Variants in CNIH3 observed in about 807,000 individuals in gnomAD.
CNIH3 encodes the protein cornichon family AMPA receptor auxiliary protein 3, also known as protein cornichon homolog 3.
In CNIH3, 14 loss-of-function variants were observed where a neutral mutation model predicts 24.1. The ratio of observed to expected loss-of-function variants is 0.58; its 90% CI spans 0.38 to 0.91. CNIH3 has a LOEUF of 0.91. Among genes scored for constraint, CNIH3 ranks in the 40% least tolerant of loss-of-function variants. The pLI, the probability that CNIH3 is intolerant of heterozygous loss-of-function variation, is 0.00. For missense variants in CNIH3, 178 were observed against 196.8 expected (o/e 0.90, Z 0.57); for synonymous variants, 68 against 73.8 (o/e 0.92, Z 0.40).
chr1:224,653,346 C>T (rs535032481), intron 1 of CNIH3, among the ~76,000 whole-genome samples: 1 of 150,180 alleles, frequency 6.7e-6, no homozygotes, highest in East Asian at 2.0e-4. Flanking sequence ...CACTTGAACC[C>T]AGGAGGCAGA....
At chr1:224,593,858 G>T (rs993135010) in intron 3 of CNIH3, among the ~76,000 whole-genome samples, 1 of 152,160 alleles carries the variant, frequency 6.6e-6, no homozygotes, top group African/African-American at 2.4e-5. Flanking sequence ...TGGCTTCTGT[G>T]CATCTCTGTT....
chr1:224,600,494 C>T (rs1682161807), intron 3 of CNIH3, among the ~76,000 whole-genome samples: 1 of 152,038 alleles, frequency 6.6e-6, no homozygotes, highest in African/African-American at 2.4e-5. Context: ...GCCCGGCCAT[C>T]TGTGGTATTT....
chr1:224,454,186 G>T (rs908462346), intron 1 of CNIH3: 1 of 551,808 alleles, frequency 1.8e-6, no homozygotes, highest in South Asian at 8.0e-5. Context: ...GGTTCCTTGA[G>T]TAAAAGGTGC....
At chr1:224,597,857 T>C (rs1183089814) in intron 3 of CNIH3, among the ~76,000 whole-genome samples, 1 of 152,186 alleles carries the variant, frequency 6.6e-6, no homozygotes, top group Non-Finnish European at 1.5e-5. Flanking sequence ...TAAAATGACC[T>C]GGGGTTGGTA....
At chr1:224,678,114 G>A (rs373347754) in intron 1 of CNIH3, among the ~76,000 whole-genome samples, 2 of 152,152 alleles carry the variant, frequency 1.3e-5, no homozygotes, top group African/African-American at 4.8e-5. Flanking sequence ...TTATATAATA[G>A]TTGGGAGATA....
At position 224,490,710 on chromosome 1, in the gene CNIH3, A is replaced by G. The variant is rs1360306150; in HGVS notation, n.204-25031A>G. On this transcript the variant is annotated intron_variant and non_coding_transcript_variant, in intron 1 of 5. Transcript: ENST00000471578. ...TCCTCCATATCTGTAATGTACTTTT[A>G]TGTGTCACATTATTTTATGGCCTGT... 2.0e-4 allele frequency among the ~76,000 whole-genome samples: 30 copies of G among 152,148 alleles called. 1 individual carries two copies.
intron 4 of CNIH3, among the ~76,000 whole-genome samples, chr1:224,576,933 C>T (rs1236699338): frequency 6.6e-6 from 1 of 152,146 alleles, no homozygotes; most frequent in Non-Finnish European, 1.5e-5. Context: ...GCCAACTGAT[C>T]TTCAGCAAAG....
At chr1:224,515,289 C>T (rs1475426010), upstream of CNIH3, among the ~76,000 whole-genome samples, 1 of 152,154 alleles carries the variant, frequency 6.6e-6, no homozygotes, top group Non-Finnish European at 1.5e-5. Flanking sequence ...TTTGTACATG[C>T]ATGACTGTAC....
chr1:224,689,060 C>G (rs1686802971), intron 3 of CNIH3, among the ~76,000 whole-genome samples: 2 of 152,152 alleles, frequency 1.3e-5, no homozygotes, highest in Admixed American at 6.5e-5. Flanking sequence ...CCCTCTGCCC[C>G]CTTGTAGTCT....
intron 1 of CNIH3, among the ~76,000 whole-genome samples, chr1:224,440,158 TGGTCCGCCTGCCTC>T (rs1449030342): frequency 6.6e-6 from 1 of 152,224 alleles, no homozygotes; most frequent in East Asian, 1.9e-4. Context: ...CTTGACCTCA[TGGTCCGCCTGCCTC>T]GGCGTCCCAA....
At chr1:224,575,621 C>T (rs1392602693) in intron 4 of CNIH3, among the ~76,000 whole-genome samples, 1 of 151,968 alleles carries the variant, frequency 6.6e-6, no homozygotes, top group Non-Finnish European at 1.5e-5. Context: ...ACCTGAATAC[C>T]CTTTTCTGAC....
chr1:224,734,189 G>C (rs1005202944), intron 4 of CNIH3, among the ~76,000 whole-genome samples: 2 of 152,196 alleles, frequency 1.3e-5, no homozygotes, highest in Admixed American at 1.3e-4. Flanking sequence ...TAGTTTTAGG[G>C]TAGAATGGAG....
chr1:224,493,895 A>G (rs1677332224), intron 1 of CNIH3, among the ~76,000 whole-genome samples: 1 of 152,088 alleles, frequency 6.6e-6, no homozygotes, highest in African/African-American at 2.4e-5. Context: ...CATTAACACC[A>G]CTTTGTGCTT....
chr1:224,686,458 A>G (rs1036786700), intron 3 of CNIH3, among the ~76,000 whole-genome samples: 2 of 152,206 alleles, frequency 1.3e-5, no homozygotes, highest in African/African-American at 4.8e-5. Context: ...ATAGTGCCCC[A>G]GTAAACATAC....
chr1:224,598,981 A>G (rs1682099520), intron 3 of CNIH3, among the ~76,000 whole-genome samples: 1 of 152,170 alleles, frequency 6.6e-6, no homozygotes, highest in Non-Finnish European at 1.5e-5. Context: ...GGGAATAAAG[A>G]ACTTTTGCAG....
intron 4 of CNIH3, among the ~76,000 whole-genome samples, chr1:224,568,761 T>C (rs1469463587): frequency 6.6e-6 from 1 of 152,166 alleles, no homozygotes; most frequent in Non-Finnish European, 1.5e-5. Context: ...CTCTAAAATA[T>C]AAAAAGAATT....
intron 1 of CNIH3, among the ~76,000 whole-genome samples, chr1:224,492,302 G>A (rs1677263649): frequency 6.6e-6 from 1 of 152,188 alleles, no homozygotes; most frequent in Admixed American, 6.5e-5. Context: ...ACACATTACT[G>A]TGTGTAGGCA....
At chr1:224,622,575 G>A (rs1451515886) in intron 1 of CNIH3, among the ~76,000 whole-genome samples, 1 of 152,204 alleles carries the variant, frequency 6.6e-6, no homozygotes, top group Non-Finnish European at 1.5e-5. Context: ...AGAATTCACA[G>A]GTCACCTAAA....
chr1:224,720,997 A>T (rs1001767777), intron 3 of CNIH3, among the ~76,000 whole-genome samples: 10 of 152,112 alleles, frequency 6.6e-5, no homozygotes, highest in Admixed American at 3.9e-4. Context: ...TCCACTTGAG[A>T]GGCCGTCACC....
Sources: allele counts gnomAD v4.1 joint callset (sites outside exome capture counted in the v4.1 genomes callset), GRCh38; gene constraint gnomAD v4.1.1; transcripts MANE v1.5; gene names NCBI Gene and HGNC (gene_info 2026-07-23, HGNC 2026-07-21).